PTPRD: variants seen among roughly 807,000 people sequenced by gnomAD.
PTPRD encodes the protein receptor-type tyrosine-protein phosphatase delta.
Under a neutral mutation model 214.5 loss-of-function variants are expected in PTPRD, and 34 were observed. The ratio of observed to expected loss-of-function variants is 0.16; its 90% CI spans 0.12 to 0.21. PTPRD has a LOEUF of 0.21. PTPRD is among the 10% of genes least tolerant of loss of function. PTPRD has a pLI of 1.00. For missense variants in PTPRD, 2,545 were observed against 2,398.7 expected (o/e 1.06, Z -1.27); for synonymous variants, 1,128 against 845.7 (o/e 1.33, Z -5.79).
chr9:9,068,826 G>A (rs2099739455), intron 10 of PTPRD, among the ~76,000 whole-genome samples: 1 of 152,042 alleles, frequency 6.6e-6, no homozygotes, highest in Admixed American at 6.6e-5. Context: ...TGGCCAGGAT[G>A]GTCTCGATCT....
intron 11 of PTPRD, among the ~76,000 whole-genome samples, chr9:8,905,124 T>C (rs750457971): frequency 6.6e-6 from 1 of 152,138 alleles, no homozygotes; most frequent in African/African-American, 2.4e-5. Context: ...TCATCTCTGA[T>C]TGGGTGGCTA....
chr9:9,007,897 T>TG (rs398113214), intron 11 of PTPRD, among the ~76,000 whole-genome samples: 7 of 141,674 alleles, frequency 4.9e-5, no homozygotes, highest in East Asian at 2.0e-4. Flanking sequence ...TTTTTTTTTT[T>TG]GTTTTTGAAA....
chr9:9,202,598 T>TG (rs1029231140), intron 9 of PTPRD, among the ~76,000 whole-genome samples: 3 of 152,200 alleles, frequency 2.0e-5, no homozygotes, highest in East Asian at 1.9e-4. Flanking sequence ...AGTTGGGGGA[T>TG]GGGGGGTGTA....
rs2097385372 is a variant in PTPRD, at chr9:8,500,769, G to C, written c.2113C>G (p.Arg705Gly). 1 of 1,613,996 alleles carries C rather than the reference G, an allele frequency of 6.2e-7. No individual in the cohort carries two copies. Among genetic ancestry groups the C allele is most frequent in the Non-Finnish European group, 8.5e-7 (1 of 1,179,964 alleles). The change falls in exon 24 of 46, where the codon CGA becomes GGA. Residue 705 changes from arginine (R) to glycine (G), a missense_variant. Coordinates refer to ENST00000381196, the MANE Select transcript of PTPRD (RefSeq NM_002839.4). Reference protein sequence around the residue: ...PGPESLSVLIRTNEDVPSGPP... With the variant: ...PGPESLSVLIGTNEDVPSGPP... ...GGCAACATACCATCTTCATTGGTTCGAATCAACACGGACAAGCTCTCAGGG... is the reference window on the plus strand; with the variant it reads ...GGCAACATACCATCTTCATTGGTTCCAATCAACACGGACAAGCTCTCAGGG...
At chr9:10,025,713 T>C (rs1263430728) in intron 4 of PTPRD, among the ~76,000 whole-genome samples, 1 of 152,152 alleles carries the variant, frequency 6.6e-6, no homozygotes, top group Non-Finnish European at 1.5e-5. Flanking sequence ...AGAAATTGGA[T>C]GATATTTGAA....
At chr9:8,720,940 C>G (rs2098487350) in intron 12 of PTPRD, among the ~76,000 whole-genome samples, 1 of 152,054 alleles carries the variant, frequency 6.6e-6, no homozygotes. Flanking sequence ...GCTGTTCTGC[C>G]TCTTCTCTGG....
chr9:10,600,519 T>C (rs116984997), intron 2 of PTPRD, among the ~76,000 whole-genome samples: 2,337 of 151,790 alleles, frequency 0.015, 54 homozygotes, highest in South Asian at 0.022. Flanking sequence ...AGCAACAAAG[T>C]ACATGTCTAC....
chr9:10,195,888 G>C (rs1470686612), intron 3 of PTPRD, among the ~76,000 whole-genome samples: 1 of 152,076 alleles, frequency 6.6e-6, no homozygotes, highest in Non-Finnish European at 1.5e-5. Context: ...TTAAGTAAAA[G>C]TAGCCAGACA....
chr9:9,534,641 C>T (rs958946370), intron 8 of PTPRD, among the ~76,000 whole-genome samples: 90 of 152,068 alleles, frequency 5.9e-4, no homozygotes, highest in African/African-American at 2.0e-3. Flanking sequence ...CCAGGAATAA[C>T]GCTTTTTAAA....
At chr9:9,265,793 A>T (rs910688057) in intron 9 of PTPRD, among the ~76,000 whole-genome samples, 4 of 149,812 alleles carry the variant, frequency 2.7e-5, no homozygotes, top group African/African-American at 7.3e-5. Context: ...CAACAACAAT[A>T]AAAAAAAATA....
intron 30 of PTPRD, among the ~76,000 whole-genome samples, chr9:8,478,154 T>C (rs2096803447): frequency 1.3e-5 from 2 of 152,330 alleles, no homozygotes; most frequent in African/African-American, 2.4e-5. Flanking sequence ...AGAGGAAGAA[T>C]ACCTACCTCA....
intron 5 of PTPRD, among the ~76,000 whole-genome samples, chr9:9,900,828 G>A (rs920852384): frequency 6.6e-6 from 1 of 151,872 alleles, no homozygotes; most frequent in Non-Finnish European, 1.5e-5. Flanking sequence ...GTAAAGATGA[G>A]GTTTCACCAT....
intron 5 of PTPRD, among the ~76,000 whole-genome samples, chr9:9,771,290 G>C (rs977503211): frequency 5.3e-5 from 8 of 152,020 alleles, no homozygotes; most frequent in South Asian, 4.1e-4. Flanking sequence ...TAAGGTATCT[G>C]ATAGTTAACA....
intron 9 of PTPRD, among the ~76,000 whole-genome samples, chr9:9,220,462 T>G (rs1435752372): frequency 6.6e-6 from 1 of 152,098 alleles, no homozygotes; most frequent in Admixed American, 6.6e-5. Context: ...CTTGATAACC[T>G]TGTTTTAATT....
chr9:9,284,205 T>C (rs1948665829), intron 9 of PTPRD, among the ~76,000 whole-genome samples: 1 of 151,668 alleles, frequency 6.6e-6, no homozygotes, highest in African/African-American at 2.4e-5. Context: ...TTAATTCCTC[T>C]TGTTCCCTAC....
intron 30 of PTPRD, among the ~76,000 whole-genome samples, chr9:8,483,673 T>G (rs7854860): frequency 0.33 from 50,793 of 151,946 alleles, 8,695 homozygotes; most frequent in African/African-American, 0.42. Flanking sequence ...CAGCTACTTG[T>G]GACGCTGAGG....
rs534330811 is a variant in PTPRD at position 10,195,820 on chromosome 9, A to C, written c.-545+145143T>G. On this transcript the variant is annotated intron_variant, in intron 3 of 45. Transcript: ENST00000381196. ...GATTCCATACAAGATTCTAGTCACAAATAAAAAGAGACAAACTTGATGTAT... is the reference window on the plus strand; with the variant it reads ...GATTCCATACAAGATTCTAGTCACACATAAAAAGAGACAAACTTGATGTAT... Among the ~76,000 whole-genome samples, 5 of 152,320 alleles carry C rather than the reference A, an allele frequency of 3.3e-5. No homozygotes were observed. The East Asian group carries it at 9.6e-4, about 29-fold the overall frequency.
At chr9:8,429,004 T>A (rs900304655) in intron 35 of PTPRD, among the ~76,000 whole-genome samples, 5 of 152,178 alleles carry the variant, frequency 3.3e-5, no homozygotes, top group African/African-American at 1.2e-4. Context: ...AATACAATGT[T>A]TACTATCAGG....
chr9:10,503,577 TAAC>T (rs972977805), intron 2 of PTPRD, among the ~76,000 whole-genome samples: 69 of 152,212 alleles, frequency 4.5e-4, no homozygotes, highest in African/African-American at 1.6e-3. Flanking sequence ...ATCTTTTACT[TAAC>T]AAACATTTTT....
Sources: gnomAD v4.1 joint callset for allele counts (sites outside exome capture counted in the v4.1 genomes callset) on GRCh38, gnomAD v4.1.1 for gene constraint, MANE v1.5 for transcripts, NCBI Gene and HGNC (gene_info 2026-07-23, HGNC 2026-07-21) for gene names.